Variants in TFEB observed in about 807,000 individuals in gnomAD.
The protein encoded by TFEB is transcription factor EB, also known as T-cell transcription factor EB.
TFEB carries 12 observed loss-of-function variants against 48.0 expected under a neutral mutation model. The observed-to-expected ratio is 0.25, with a 90% CI of 0.16 to 0.40. The LOEUF is 0.40. TFEB is among the 10% of genes least tolerant of loss of function. The probability of loss-of-function intolerance (pLI) is 1.00; values close to 1 mark genes in which losing one functional copy is unlikely to be tolerated. For missense variants in TFEB, 509 were observed against 640.3 expected (o/e 0.79, Z 2.21); for synonymous variants, 244 against 261.4 (o/e 0.93, Z 0.64).
chr6:41,710,852 C>T (rs564580756), intron 1 of TFEB, among the ~76,000 whole-genome samples: 1 of 152,260 alleles, frequency 6.6e-6, no homozygotes, highest in African/African-American at 2.4e-5. Context: ...AGGGTCTCCT[C>T]CTCCTCCCGA....
At chr6:41,686,757 C>G in intron 7 of TFEB, 1 of 340,208 alleles carries the variant, frequency 2.9e-6, no homozygotes, top group Admixed American at 4.1e-5. Context: ...CTCAAGTGAT[C>G]TGCCTGCCTC....
rs144028848 is a variant in TFEB, at chr6:41,690,870, C to T, written c.261G>A (p.Ser87=). The change falls in exon 3 of 9, where the codon TCG becomes TCA. Residue 87 remains serine (S), a synonymous_variant. Transcript: ENST00000373033. ...GGTACTCCCGCACCTTCTGATGCTG[C>T]GACTGCTGCAGATGGTAGGATGTGG... is the stretch of plus-strand genomic sequence containing the variant. ...ENPTSYHLQQ[S]QHQKVREYLS... The T allele has an allele frequency of 3.7e-5, 60 of 1,607,658 alleles. No homozygotes were observed. The highest frequency in any genetic ancestry group is 4.7e-5 in the Non-Finnish European group (55 of 1,175,794).
chr6:41,735,335 C>T lies in TFEB; in HGVS notation c.-23+15G>A. On this transcript the variant is annotated intron_variant, in intron 1 of 8. Transcript: ENST00000373033. Reference sequence around the variant, plus strand: ...CGGGCCCTCCTCGTGCCTCTCGCTCCCCGGTCCCGCTCACCTCGCTCTGAA... The same window carrying T: ...CGGGCCCTCCTCGTGCCTCTCGCTCTCCGGTCCCGCTCACCTCGCTCTGAA... 1.0e-6 allele frequency: 1 copy of T among 985,084 alleles called. No homozygotes were observed. Among genetic ancestry groups the T allele is most frequent in the Non-Finnish European group, 1.2e-6 (1 of 829,896 alleles). The allele number at this position is 985,084 out of a possible 1,614,324, so 61.0% of individuals were successfully genotyped here.
intron 1 of TFEB, 151 bp downstream of exon 1, chr6:41,735,199 G>T: frequency 2.2e-6 from 2 of 898,292 alleles, no homozygotes; most frequent in Non-Finnish European, 2.7e-6. Context: ...CGGACTGCGG[G>T]TGGGTGGCGG....
At position 41,690,857 on chromosome 6, in the gene TFEB, C is replaced by A; in HGVS notation, c.274G>T (p.Val92Leu). ...YHLQQSQHQK[V>L]REYLSETYGN... ...TAGGTCTCGGACAGGTACTCCCGCA[C>A]CTTCTGATGCTGCGACTGCTGCAGA... Residue 92 changes from valine to leucine, a missense_variant, in exon 3 of 9, where the codon GTG (valine) becomes TTG (leucine). By Grantham distance (32) the Val-to-Leu change is conservative. This residue lies in a region of TFEB where 251 missense variants were observed against 317.2 expected (regional missense o/e 0.79). Transcript: ENST00000373033. 1 of 1,610,248 alleles carries A rather than the reference C, an allele frequency of 6.2e-7. No homozygotes were observed. The highest frequency in any genetic ancestry group is 8.5e-7 in the Non-Finnish European group (1 of 1,177,240).
At chr6:41,704,071 G>C (rs1042384490) in intron 1 of TFEB, among the ~76,000 whole-genome samples, 7 of 152,086 alleles carry the variant, frequency 4.6e-5, no homozygotes, top group Non-Finnish European at 1.0e-4. Flanking sequence ...CAGGACACCA[G>C]CCTCCCCTCA....
chr6:41,723,125 G>A lies in TFEB; in HGVS notation c.-23+12225C>T, dbSNP rs1771053019. On this transcript the variant is annotated intron_variant, in intron 1 of 8. Coordinates refer to ENST00000373033, the MANE Select transcript of TFEB (RefSeq NM_001271944.2). The surrounding 1 kb of genome is among the most constrained non-coding windows in gnomAD (Gnocchi z 6.0). ...CCTTCTCACTCGACCCTTGAAATAA[G>A]CCTGGAGAGATGAGGAAACTGAAGC... is the stretch of plus-strand genomic sequence containing the variant. 6.6e-6 allele frequency among the ~76,000 whole-genome samples: 1 copy of A among 152,102 alleles called. No homozygotes were observed. The highest frequency in any genetic ancestry group is 1.9e-4 in the East Asian group (1 of 5,198).
intron 1 of TFEB, among the ~76,000 whole-genome samples, chr6:41,699,518 C>G (rs571647043): frequency 6.6e-6 from 1 of 152,118 alleles, no homozygotes; most frequent in Non-Finnish European, 1.5e-5. Flanking sequence ...TCTCCAAAAG[C>G]CTTGGGTCTT....
intron 1 of TFEB, among the ~76,000 whole-genome samples, chr6:41,703,956 T>C (rs1770070368): frequency 6.6e-6 from 1 of 152,160 alleles, no homozygotes. Context: ...CTCCCCACAG[T>C]GTGCTGGGTG....
rs1771405120 is a variant in TFEB at position 41,730,455 on chromosome 6, G to A, written c.-23+4895C>T. ...GCCAACCAGGTGGCCTGCATGGCCT[G>A]GCAAGCAGGTGCTGGATCTTATGGG... On this transcript the variant is annotated intron_variant, in intron 1 of 8. Coordinates refer to ENST00000373033, the MANE Select transcript of TFEB (RefSeq NM_001271944.2). This position sits in a 1 kb window ranked among gnomAD's most constrained non-coding sequence, Gnocchi z 4.1. Among the ~76,000 whole-genome samples, 1 of 152,210 alleles carries A rather than the reference G, an allele frequency of 6.6e-6. No individual in the cohort carries two copies. The highest frequency in any genetic ancestry group is 2.1e-4 in the South Asian group (1 of 4,836).
At position 41,687,920 on chromosome 6, in the gene TFEB, G is replaced by C. The variant is rs1296508913; in HGVS notation, c.658C>G (p.Arg220Gly). 6.2e-7 allele frequency: 1 copy of C among 1,613,822 alleles called. No individual in the cohort carries two copies. Among genetic ancestry groups the C allele is most frequent in the Admixed American group, 1.7e-5 (1 of 59,998 alleles). ...AGGGAGGCAGTACCTGTGAGCTCTCGCTTCTGGGTCAGGTCCGCAGGGCAG... is the reference window on the plus strand; with the variant it reads ...AGGGAGGCAGTACCTGTGAGCTCTCCCTTCTGGGTCAGGTCCGCAGGGCAG... ...SSCPADLTQK[R>G]ELTDAESRAL... Residue 220 changes from arginine to glycine, a missense_variant, in exon 5 of 9, where the codon CGA becomes GGA. By Grantham distance (125) the Arg-to-Gly change is moderately radical. Coordinates refer to ENST00000373033, the MANE Select transcript of TFEB (RefSeq NM_001271944.2).
In TFEB at chr6:41,691,144, G is replaced by T. The variant is rs758345276; in HGVS notation, c.70C>A (p.Arg24Ser). ...TGCATGACAGCCTGTTGCTGCATGC[G>T]CTCCCGCTGCTCCTCCTGCTGCGCC... ...EQAQQEEQRE[R>S]MQQQAVMHYM... The change falls in exon 2 of 9, where the codon CGC (arginine) becomes AGC (serine). Residue 24 changes from arginine to serine, a missense_variant. Arg to Ser is a moderately radical substitution (Grantham distance 110). Around this residue, in one of 4 missense-constraint regions of TFEB, gnomAD observed 251 missense variants for 317.2 expected, o/e 0.79. Transcript: ENST00000373033. The surrounding 1 kb of genome is among the most constrained non-coding windows in gnomAD (Gnocchi z 5.2). 1 of 1,588,344 alleles carries T rather than the reference G, an allele frequency of 6.3e-7. No individual in the cohort carries two copies. The highest frequency in any genetic ancestry group is 8.6e-7 in the Non-Finnish European group (1 of 1,165,670).
chr6:41,698,493 A>G (rs567007592), intron 1 of TFEB, among the ~76,000 whole-genome samples: 4 of 152,286 alleles, frequency 2.6e-5, no homozygotes, highest in African/African-American at 9.6e-5. Context: ...CCCTTCCTCA[A>G]AGAGCAGAGA....
intron 1 of TFEB, among the ~76,000 whole-genome samples, chr6:41,693,137 C>G (rs1342584536): frequency 1.3e-5 from 2 of 152,154 alleles, no homozygotes; most frequent in Admixed American, 6.5e-5. Context: ...TCTCAAGCTC[C>G]TAACAATGAG....
chr6:41,713,206 C>T (rs1032546565), intron 1 of TFEB, among the ~76,000 whole-genome samples: 1 of 152,170 alleles, frequency 6.6e-6, no homozygotes, highest in Non-Finnish European at 1.5e-5. Context: ...GCCACCCAGC[C>T]TGCACCAGGG....
chr6:41,714,247 G>T (rs1367313174), intron 1 of TFEB, among the ~76,000 whole-genome samples: 1 of 152,206 alleles, frequency 6.6e-6, no homozygotes, highest in Non-Finnish European at 1.5e-5. Context: ...GTATGCATGT[G>T]CTTCTACCAC....
intron 4 of TFEB, 44 bp downstream of exon 4, chr6:41,689,687 T>G: frequency 6.7e-7 from 1 of 1,500,190 alleles, no homozygotes. Flanking sequence ...GGTGCCCCCC[T>G]CCCTAGAACC....
At chr6:41,708,298 G>A (rs1020347901) in intron 1 of TFEB, among the ~76,000 whole-genome samples, 1 of 152,222 alleles carries the variant, frequency 6.6e-6, no homozygotes, top group African/African-American at 2.4e-5. Context: ...GATGTGGGAA[G>A]AGGGCTTGGC....
chr6:41,687,723 A>G (rs1468143418), intron 6 of TFEB, 30 bp downstream of exon 6: 1 of 1,613,836 alleles, frequency 6.2e-7, no homozygotes, highest in Non-Finnish European at 8.5e-7. Flanking sequence ...AGGAAGAGGG[A>G]GGCAGGGAGA....
Sources: allele counts gnomAD v4.1 joint callset (sites outside exome capture counted in the v4.1 genomes callset), GRCh38; gene constraint gnomAD v4.1.1; regional missense constraint gnomAD v4.1.1; non-coding constraint Gnocchi (gnomAD v3.1); transcripts MANE v1.5; gene names NCBI Gene and HGNC (gene_info 2026-07-23, HGNC 2026-07-21).